The following LAMA1 variants were observed in gnomAD, a reference collection of about 807,000 sequenced individuals.
LAMA1 encodes laminin subunit alpha 1.
Under a neutral mutation model 348.7 loss-of-function variants are expected in LAMA1, and 219 were observed. That is an observed-to-expected ratio of 0.63 (90% CI 0.56 to 0.70). The LOEUF (loss-of-function observed/expected upper bound fraction) is 0.70, where lower values mean the gene tolerates loss of function less well. LAMA1 is among the 30% of genes least tolerant of loss of function. The pLI, the probability that LAMA1 is intolerant of heterozygous loss-of-function variation, is 0.00. For missense variants in LAMA1, 3,744 were observed against 3,888.0 expected (o/e 0.96, Z 0.99); for synonymous variants, 1,487 against 1,491.0 (o/e 1.00, Z 0.06).
chr18:7,097,984 C>T (rs983778872), intron 1 of LAMA1, among the ~76,000 whole-genome samples: 2 of 149,900 alleles, frequency 1.3e-5, no homozygotes, highest in Non-Finnish European at 3.0e-5. Flanking sequence ...CTCAGCCTGC[C>T]TAGTGCCTGC....
chr18:7,039,959 G>T, intron 10 of LAMA1, 117 bp downstream of exon 10: 1 of 1,189,948 alleles, frequency 8.4e-7, no homozygotes, highest in Non-Finnish European at 1.2e-6. Flanking sequence ...GGCAAGGGGA[G>T]TTCTGCTTAA....
At position 7,050,783 on chromosome 18, in the gene LAMA1, G is replaced by C. The variant is rs139074285; in HGVS notation, c.499C>G (p.Pro167Ala). 19 of 1,613,998 alleles carry C rather than the reference G, an allele frequency of 1.2e-5. No homozygotes were observed. The highest frequency in any genetic ancestry group is 1.4e-5 in the Non-Finnish European group (17 of 1,180,044). ...SECLSRYNIT[P>A]RRGPPTYRAD... Reference sequence around the variant, plus strand: ...CTGTAGGTGGGTGGCCCTCGTCTTGGAGTTATATTGTAACGAGACAAACAC... The same window carrying C: ...CTGTAGGTGGGTGGCCCTCGTCTTGCAGTTATATTGTAACGAGACAAACAC... The change falls in exon 4 of 63, where the codon CCA becomes GCA. Residue 167 changes from proline (P) to alanine (A), a missense_variant. Pro to Ala is a conservative substitution (Grantham distance 27, BLOSUM62 -1). Transcript: ENST00000389658.
At chr18:6,967,410 TAG>T (rs1428610360) in intron 48 of LAMA1, among the ~76,000 whole-genome samples, 1 of 152,216 alleles carries the variant, frequency 6.6e-6, no homozygotes, top group Non-Finnish European at 1.5e-5. Flanking sequence ...TGCCGGAGGA[TAG>T]AGACTCTAGA....
rs373670761 is a variant in LAMA1, at chr18:6,966,193, G to T, written c.7004C>A (p.Thr2335Asn). Residue 2335 changes from threonine (T) to asparagine (N), a missense_variant, in exon 49 of 63, where the codon ACC becomes AAC. Transcript: ENST00000389658. Reference protein sequence around the residue: ...TVTQIIMLFNTFSPNGLLLYL... With the variant: ...TVTQIIMLFNNFSPNGLLLYL... ...GAGAAGAAGTCCATTAGGTGAAAAG[G>T]TATTAAAAAGCATGATTATCTGGGT... 7.4e-6 allele frequency: 12 copies of T among 1,613,994 alleles called. No individual in the cohort carries two copies. The highest frequency in any genetic ancestry group is 1.3e-5 in the African/African-American group (1 of 74,912).
intron 1 of LAMA1, among the ~76,000 whole-genome samples, chr18:7,082,438 T>C (rs2058196775): frequency 6.6e-6 from 1 of 152,156 alleles, no homozygotes; most frequent in African/African-American, 2.4e-5. Flanking sequence ...ATCATGCAGC[T>C]CCCCAATTTA....
At chr18:7,034,358 C>T in intron 14 of LAMA1, 121 bp downstream of exon 14, 1 of 767,730 alleles carries the variant, frequency 1.3e-6, no homozygotes, top group Non-Finnish European at 2.3e-6. Context: ...CAGCCAGATC[C>T]TGTAGCTGTG....
chr18:7,107,121 C>CTT (rs34984235), intron 1 of LAMA1, among the ~76,000 whole-genome samples: 57,950 of 136,970 alleles, frequency 0.42, 13,735 homozygotes, highest in East Asian at 0.84. Context: ...GAGAAAACTC[C>CTT]TTTTTTTTTT....
intron 29 of LAMA1, among the ~76,000 whole-genome samples, chr18:7,004,122 C>T (rs2057821055): frequency 6.6e-6 from 1 of 152,162 alleles, no homozygotes; most frequent in East Asian, 1.9e-4. Context: ...AGACAAGCTG[C>T]CCCAAGAGTG....
chr18:7,033,129 G>C, intron 14 of LAMA1, 34 bp from the exon 15 acceptor site: 1 of 1,415,360 alleles, frequency 7.1e-7, no homozygotes, highest in South Asian at 1.2e-5. Flanking sequence ...TGACTCACAC[G>C]CTCGCAAATA....
intron 32 of LAMA1, among the ~76,000 whole-genome samples, chr18:6,998,639 C>A (rs987452363): frequency 1.3e-5 from 2 of 152,212 alleles, no homozygotes; most frequent in Non-Finnish European, 2.9e-5. Flanking sequence ...TCCTAACAGG[C>A]CTCCCTATCT....
chr18:6,955,479 A>ACAGGGACACT lies in LAMA1; in HGVS notation c.8095-24_8095-15dup. On this transcript the variant is annotated splice_polypyrimidine_tract_variant and intron_variant, in intron 56 of 62. Coordinates refer to ENST00000389658, the MANE Select transcript of LAMA1 (RefSeq NM_005559.4). ...CACACACTGTTCCTGTAAGAGACAC[A>ACAGGGACACT]CAGGGACACTCAGCCGCCACCCGCA... The ACAGGGACACT allele has an allele frequency of 1.2e-6, 2 of 1,604,922 alleles. No individual in the cohort carries two copies. The highest frequency in any genetic ancestry group is 1.7e-6 in the Non-Finnish European group (2 of 1,171,792).
chr18:7,049,158 G>T lies in LAMA1; in HGVS notation c.688C>A (p.Arg230Ser), dbSNP rs200844421. Reference sequence around the variant, plus strand: ...AGATCTGCATTGAGCGTTCTAATGCGTTGCAAGCGAAGGCGAATATATCGT... The same window carrying T: ...AGATCTGCATTGAGCGTTCTAATGCTTTGCAAGCGAAGGCGAATATATCGT... ...SARYIRLRLQ[R>S]IRTLNADLMT... Residue 230 changes from arginine to serine, a missense_variant, in exon 5 of 63, where the codon CGC becomes AGC. Around this residue, in one of 3 missense-constraint regions of LAMA1, gnomAD observed 1,529 missense variants for 1,689.4 expected, o/e 0.91. Transcript: ENST00000389658. 1.9e-6 allele frequency: 3 copies of T among 1,614,050 alleles called. No homozygotes were observed. The highest frequency in any genetic ancestry group is 2.2e-5 in the East Asian group (1 of 44,878).
chr18:7,023,508 G>T, intron 18 of LAMA1, 133 bp from the exon 19 acceptor site: 1 of 781,108 alleles, frequency 1.3e-6, no homozygotes. Context: ...AAAGGGATAT[G>T]ACTCCCCACT....
intron 50 of LAMA1, 147 bp downstream of exon 50, chr18:6,965,141 T>TTAG: frequency 9.7e-7 from 1 of 1,025,700 alleles, no homozygotes. Flanking sequence ...ATCCTGTTGG[T>TTAG]TAGTATTCCA....
chr18:7,018,152 G>C (rs1347019085), intron 19 of LAMA1, among the ~76,000 whole-genome samples: 1 of 151,764 alleles, frequency 6.6e-6, no homozygotes, highest in South Asian at 2.1e-4. Flanking sequence ...CCTGGCCAAC[G>C]TGGTGAAACC....
In LAMA1 at chr18:7,068,105, G is replaced by A. The variant is rs181609814; in HGVS notation, c.345+11870C>T. Among the ~76,000 whole-genome samples, 328 of 152,160 alleles carry A rather than the reference G, an allele frequency of 2.2e-3. 2 individuals carry two copies. Among genetic ancestry groups the A allele is most frequent in the African/African-American group, 7.5e-3 (312 of 41,510 alleles). On this transcript the variant is annotated intron_variant, in intron 3 of 62. Coordinates refer to ENST00000389658, the MANE Select transcript of LAMA1 (RefSeq NM_005559.4). ...TGACCTCAGGTAATCCACCTGCCTC[G>A]GCTTCCCAAAGTGCTGGGATTACAG... is the stretch of plus-strand genomic sequence containing the variant.
intron 48 of LAMA1, 91 bp from the exon 49 acceptor site, chr18:6,966,388 A>C: frequency 9.4e-7 from 1 of 1,060,380 alleles, no homozygotes; most frequent in Non-Finnish European, 1.4e-6. Flanking sequence ...CACAAAGATC[A>C]CTGTAGAGCT....
At chr18:6,967,375 A>G (rs934097818) in intron 48 of LAMA1, among the ~76,000 whole-genome samples, 1 of 152,106 alleles carries the variant, frequency 6.6e-6, no homozygotes, top group African/African-American at 2.4e-5. Context: ...CCATTGTTCT[A>G]CCTCTTGGCC....
rs2058053654 is a variant in LAMA1, at chr18:7,049,233, T to C, written c.613A>G (p.Arg205Gly). 6.2e-7 allele frequency: 1 copy of C among 1,613,996 alleles called. No individual in the cohort carries two copies. The highest frequency in any genetic ancestry group is 1.7e-5 in the Admixed American group (1 of 59,988). Reference sequence around the variant, plus strand: ...GGTGAAAGATCGTCAGCGCTTGGTCTGCCATTGATGAGTGATGTATGAATC... The same window carrying C: ...GGTGAAAGATCGTCAGCGCTTGGTCCGCCATTGATGAGTGATGTATGAATC... ...GEIHTSLING[R>G]PSADDLSPKL... Residue 205 changes from arginine to glycine, a missense_variant, in exon 5 of 63, where the codon AGA (arginine) becomes GGA (glycine). Arg to Gly is a moderately radical substitution (Grantham distance 125). This residue lies in a region of LAMA1 where 1,529 missense variants were observed against 1,689.4 expected (regional missense o/e 0.91). Transcript: ENST00000389658.
Sources: gnomAD v4.1 joint callset for allele counts (sites outside exome capture counted in the v4.1 genomes callset) on GRCh38, gnomAD v4.1.1 for gene constraint, gnomAD v4.1.1 regional missense constraint, MANE v1.5 for transcripts, NCBI Gene and HGNC (gene_info 2026-07-23, HGNC 2026-07-21) for gene names.